Variants in PHACTR3 observed in about 807,000 individuals in gnomAD.
PHACTR3 encodes the protein protein phosphatase 1, regulatory subunit 123.
A neutral mutation model predicts 66.8 loss-of-function variants in PHACTR3; 16 were observed. The observed-to-expected ratio is 0.24, with a 90% CI of 0.16 to 0.36. The LOEUF is 0.36. PHACTR3 is among the 10% of genes least tolerant of loss of function. The probability of loss-of-function intolerance (pLI) is 1.00; values close to 1 mark genes in which losing one functional copy is unlikely to be tolerated. For synonymous variants in PHACTR3, 323 were observed against 292.1 expected (o/e 1.11, Z -1.08); for missense variants, 647 against 719.9 (o/e 0.90, Z 1.16).
chr20:59,728,399 G>A (rs897683576), intron 1 of PHACTR3, among the ~76,000 whole-genome samples: 1 of 152,046 alleles, frequency 6.6e-6, no homozygotes, highest in South Asian at 2.1e-4. Flanking sequence ...CTCCACTTCC[G>A]GGTATCTAAC....
chr20:59,623,089 C>T (rs1005984860), intron 1 of PHACTR3, among the ~76,000 whole-genome samples: 1 of 150,038 alleles, frequency 6.7e-6, no homozygotes, highest in Non-Finnish European at 1.5e-5. Flanking sequence ...GAAATATAGG[C>T]AGGGAAGGGA....
intron 1 of PHACTR3, among the ~76,000 whole-genome samples, chr20:59,675,333 G>A (rs1003640461): frequency 5.9e-5 from 9 of 152,096 alleles, no homozygotes; most frequent in African/African-American, 2.2e-4. Context: ...ACACAGAAGA[G>A]GGGAGAGATG....
At chr20:59,713,693 C>T (rs1242691184) in intron 1 of PHACTR3, among the ~76,000 whole-genome samples, 1 of 150,722 alleles carries the variant, frequency 6.6e-6, no homozygotes, top group Non-Finnish European at 1.5e-5. Flanking sequence ...TAGTATTTGG[C>T]TGTTATGAGT....
At chr20:59,628,894 C>T (rs2146386299) in intron 1 of PHACTR3, 5 of 846,708 alleles carry the variant, frequency 5.9e-6, no homozygotes, top group South Asian at 5.4e-5. Context: ...TTTAGACTCA[C>T]GTGGGGGTTG....
At chr20:59,723,058 TTCTCTTTC>T (rs1568746841) in intron 1 of PHACTR3, among the ~76,000 whole-genome samples, 3 of 124,896 alleles carry the variant, frequency 2.4e-5, no homozygotes, top group Admixed American at 8.2e-5. Context: ...CTTTCTTTCT[TTCTCTTTC>T]TTTCTTTCTT....
chr20:59,823,733 CTT>C (rs1445652335), intron 8 of PHACTR3, among the ~76,000 whole-genome samples: 1 of 152,248 alleles, frequency 6.6e-6, no homozygotes, highest in Admixed American at 6.5e-5. Context: ...CCAGATCTCA[CTT>C]CTCTCTCCCA....
chr20:59,624,748 G>A (rs2034384737), intron 1 of PHACTR3, among the ~76,000 whole-genome samples: 1 of 151,818 alleles, frequency 6.6e-6, no homozygotes, highest in South Asian at 2.1e-4. Context: ...ATGGAAAGAA[G>A]ACTTAAAAAA....
At chr20:59,821,950 C>G (rs2042040464) in intron 8 of PHACTR3, among the ~76,000 whole-genome samples, 1 of 145,506 alleles carries the variant, frequency 6.9e-6, no homozygotes, top group Non-Finnish European at 1.5e-5. Flanking sequence ...ACAGCTACCC[C>G]CTCCCCAGCA....
chr20:59,798,292 G>A lies in PHACTR3; in HGVS notation c.1175-7749G>A, dbSNP rs1027592977. Among the ~76,000 whole-genome samples the A allele has an allele frequency of 2.0e-5, 3 of 152,198 alleles. No individual in the cohort carries two copies. In the South Asian group the frequency reaches 6.2e-4, roughly 31 times the overall value. The stretch of plus-strand genomic sequence containing the variant: ...CCATTCATGATGGAGGAGACCTCCT[G>A]ACCCTAATCACTTGCAAAAGTCCCT... On this transcript the variant is annotated intron_variant, in intron 7 of 12. Coordinates refer to ENST00000371015, the MANE Select transcript of PHACTR3 (RefSeq NM_080672.5).
At chr20:59,647,380 G>A (rs933410774) in intron 1 of PHACTR3, among the ~76,000 whole-genome samples, 10 of 152,178 alleles carry the variant, frequency 6.6e-5, no homozygotes, top group African/African-American at 2.2e-4. Flanking sequence ...TGAGATTTGG[G>A]TGGGGACACA....
At chr20:59,612,784 AT>A (rs1162654374) in intron 1 of PHACTR3, among the ~76,000 whole-genome samples, 1 of 152,180 alleles carries the variant, frequency 6.6e-6, no homozygotes, top group East Asian at 1.9e-4. Flanking sequence ...AGACTGGGTA[AT>A]TTATAAAGAA....
Position 59,622,981 on chromosome 20 carries a change from CAAAA to C in PHACTR3, c.118+17866_118+17869del, listed in dbSNP as rs71183177. 1.6e-3 allele frequency among the ~76,000 whole-genome samples: 52 copies of C among 32,222 alleles called. 9 individuals carry two copies. Among genetic ancestry groups the C allele is most frequent in the Non-Finnish European group, 1.6e-3 (30 of 18,186 alleles). 21.1% of individuals were successfully genotyped at this position (32,222 alleles called of 152,430 possible). A position where few individuals can be genotyped will look rare whatever the true frequency, so the allele number is the denominator to read the frequency against. ...ATTCTAATTTTACAGCAGCTTTAAC[CAAAA>C]AAAAAAAAAAAAAAAACCCAAATCT... On this transcript the variant is annotated intron_variant, in intron 1 of 12. Transcript: ENST00000371015.
intron 11 of PHACTR3, chr20:59,843,944 C>A (rs900291662): frequency 3.3e-5 from 5 of 151,876 alleles, no homozygotes; most frequent in Non-Finnish European, 1.5e-5. Flanking sequence ...GGACTAATAT[C>A]CAGAATATAC....
rs754658552 is a variant in PHACTR3, at chr20:59,743,169, C to T, written c.181C>T (p.Pro61Ser). 1.9e-6 allele frequency: 3 copies of T among 1,614,078 alleles called. No homozygotes were observed. The highest frequency in any genetic ancestry group is 2.5e-6 in the Non-Finnish European group (3 of 1,179,964). ...TCTGGTCTCAGGGATTCGAACTCCC[C>T]CTGTGAGGAGGAACAGCAAACTGGC... is the stretch of plus-strand genomic sequence containing the variant. ...EYLVSGIRTP[P>S]VRRNSKLATL... is the part of the protein sequence containing the mutation. The change falls in exon 2 of 13, where the codon CCT (proline) becomes TCT (serine). Residue 61 changes from proline (P) to serine (S), a missense_variant. By Grantham distance (74) the Pro-to-Ser change is moderately conservative. Coordinates refer to ENST00000371015, the MANE Select transcript of PHACTR3 (RefSeq NM_080672.5).
intron 7 of PHACTR3, among the ~76,000 whole-genome samples, chr20:59,790,683 A>C (rs1003684245): frequency 1.3e-5 from 2 of 152,226 alleles, no homozygotes; most frequent in Non-Finnish European, 2.9e-5. Context: ...GCATATTGCA[A>C]AGTAGTGTGT....
chr20:59,674,392 G>T (rs1247005349), intron 1 of PHACTR3, among the ~76,000 whole-genome samples: 5 of 145,200 alleles, frequency 3.4e-5, no homozygotes, highest in African/African-American at 1.0e-4. Context: ...CCCTTCTCCT[G>T]TTCCTCCTTC....
At chr20:59,771,208 G>A (rs1373831574) in intron 5 of PHACTR3, among the ~76,000 whole-genome samples, 1 of 152,150 alleles carries the variant, frequency 6.6e-6, no homozygotes, top group Non-Finnish European at 1.5e-5. Context: ...TGTACAAGAG[G>A]GCTAGTGATT....
chr20:59,791,472 C>A (rs946878864), intron 7 of PHACTR3, among the ~76,000 whole-genome samples: 3 of 152,164 alleles, frequency 2.0e-5, no homozygotes, highest in African/African-American at 7.2e-5. Flanking sequence ...ACTGGGACTC[C>A]CCATTGGGAA....
At chr20:59,754,116 C>T (rs1367674707) in intron 3 of PHACTR3, among the ~76,000 whole-genome samples, 2 of 152,242 alleles carry the variant, frequency 1.3e-5, no homozygotes, top group Admixed American at 6.5e-5. Flanking sequence ...CTGTAACGTG[C>T]ATCTCAGTGA....
Sources: gnomAD v4.1 joint callset for allele counts (sites outside exome capture counted in the v4.1 genomes callset) on GRCh38, gnomAD v4.1.1 for gene constraint, MANE v1.5 for transcripts, NCBI Gene and HGNC (gene_info 2026-07-23, HGNC 2026-07-21) for gene names.